HS3ST1: variants seen among roughly 807,000 people sequenced by gnomAD.
The protein encoded by HS3ST1 is heparan sulfate-glucosamine 3-sulfotransferase 1.
A neutral mutation model predicts 20.7 loss-of-function variants in HS3ST1; 8 were observed. The ratio of observed to expected loss-of-function variants is 0.39; its 90% CI spans 0.23 to 0.70. The LOEUF is 0.70. Among genes scored for constraint, HS3ST1 ranks in the 30% least tolerant of loss-of-function variants. The probability of loss-of-function intolerance (pLI) is 0.46; values close to 1 mark genes in which losing one functional copy is unlikely to be tolerated. For missense variants in HS3ST1, 436 were observed against 423.4 expected, an observed-to-expected ratio of 1.03 and a Z score of -0.26; for synonymous variants, 205 against 190.4, an observed-to-expected ratio of 1.08 and a Z score of -0.63.
chr4:11,409,483 A>G (rs1032247477), intron 1 of HS3ST1, among the ~76,000 whole-genome samples: 4 of 152,178 alleles, frequency 2.6e-5, no homozygotes, highest in Admixed American at 2.6e-4. Context: ...GAAGAGGAAG[A>G]TAAAACAGAG....
chr4:11,404,739 A>G (rs561652577), intron 1 of HS3ST1, among the ~76,000 whole-genome samples: 18 of 152,358 alleles, frequency 1.2e-4, no homozygotes, highest in African/African-American at 4.3e-4. Flanking sequence ...TGATGTGGGC[A>G]TGGATACAGA....
chr4:11,431,297 A>G (rs189011894), upstream of HS3ST1, among the ~76,000 whole-genome samples: 52 of 152,168 alleles, frequency 3.4e-4, no homozygotes, highest in East Asian at 9.9e-3. Flanking sequence ...TAAGTCAAAC[A>G]TGTTTCCCTT....
At position 11,394,328 on chromosome 4, in the gene HS3ST1, A is replaced by C. The variant is rs555386276; in HGVS notation, c.*4754T>G. ...TATCTAACTGAGAAATTTGGGCAAA[A>C]TAGAGTAAAGGTCTTGACATCAGGG... On this transcript the variant is annotated 3_prime_UTR_variant, in exon 2 of 2. Transcript: ENST00000002596. The C allele has an allele frequency of 1.3e-5, 2 of 152,306 alleles. No homozygotes were observed. The highest frequency in any genetic ancestry group is 3.9e-4 in the East Asian group (2 of 5,176). 9.4% of individuals were successfully genotyped at this position (152,306 alleles called of 1,614,324 possible). A position where few individuals can be genotyped will look rare whatever the true frequency, so the allele number is the denominator to read the frequency against.
chr4:11,426,932 C>T (rs1719075481), intron 1 of HS3ST1, among the ~76,000 whole-genome samples: 1 of 152,152 alleles, frequency 6.6e-6, no homozygotes, highest in Non-Finnish European at 1.5e-5. Flanking sequence ...GGATTTGCAG[C>T]GGAGCGCGCG....
At chr4:11,418,616 G>A (rs1198133298) in intron 1 of HS3ST1, among the ~76,000 whole-genome samples, 1 of 152,136 alleles carries the variant, frequency 6.6e-6, no homozygotes, top group Non-Finnish European at 1.5e-5. Context: ...CAGAATGACT[G>A]GTAACAATGT....
chr4:11,427,019 C>G lies in HS3ST1; in HGVS notation c.-109+1680G>C, dbSNP rs192077109. Reference sequence around the variant, plus strand: ...CCAATATTACCAGGAATGCAGAAAGCAAGAAAAAAATCCGAACGTCAAAGG... The same window carrying G: ...CCAATATTACCAGGAATGCAGAAAGGAAGAAAAAAATCCGAACGTCAAAGG... On this transcript the variant is annotated intron_variant, in intron 1 of 1. Coordinates refer to ENST00000002596, the MANE Select transcript of HS3ST1 (RefSeq NM_005114.4). Among the ~76,000 whole-genome samples, 378 of 151,926 alleles carry G rather than the reference C, an allele frequency of 2.5e-3. 3 individuals carry two copies. Among genetic ancestry groups the G allele is most frequent in the African/African-American group, 8.7e-3 (362 of 41,418 alleles).
chr4:11,419,847 T>C (rs1339316712), intron 1 of HS3ST1, among the ~76,000 whole-genome samples: 1 of 152,212 alleles, frequency 6.6e-6, no homozygotes, highest in Non-Finnish European at 1.5e-5. Context: ...AAAAAAATTC[T>C]GACCGTGAAC....
chr4:11,421,199 C>T lies in HS3ST1; in HGVS notation c.-109+7500G>A, dbSNP rs537852967. On this transcript the variant is annotated intron_variant, in intron 1 of 1. Coordinates refer to ENST00000002596, the MANE Select transcript of HS3ST1 (RefSeq NM_005114.4). ...TCCTCACTAGAGTATGGAAAAAAAC[C>T]GAGGCCCAGAAAAACCGTCTATTAC... 1.6e-3 allele frequency among the ~76,000 whole-genome samples: 251 copies of T among 152,214 alleles called. 1 individual carries two copies. The highest frequency in any genetic ancestry group is 2.7e-3 in the Non-Finnish European group (186 of 68,014).
intron 1 of HS3ST1, among the ~76,000 whole-genome samples, chr4:11,424,017 G>A (rs1263925058): frequency 1.4e-5 from 2 of 143,064 alleles, no homozygotes; most frequent in African/African-American, 5.2e-5. Context: ...ACATAAAACT[G>A]TGAATTGACA....
intron 1 of HS3ST1, among the ~76,000 whole-genome samples, chr4:11,424,349 C>T (rs1278368386): frequency 6.6e-6 from 1 of 152,208 alleles, no homozygotes; most frequent in African/African-American, 2.4e-5. Context: ...TGTAGTAGCA[C>T]ATAACTATTG....
rs775462827 is a variant in HS3ST1 at position 11,399,191 on chromosome 4, C to T, written c.815G>A (p.Arg272Gln). ...TTTGGGATCGACTTGGGGGTGCGCC[C>T]GGCCTTTGGACTCATGTAAGCAGCG... is the stretch of plus-strand genomic sequence containing the variant. ...RDRCLHESKG[R>Q]AHPQVDPKLL... The change falls in exon 2 of 2, where the codon CGG becomes CAG. Residue 272 changes from arginine to glutamine, a missense_variant. Transcript: ENST00000002596. This position sits in a 1 kb window ranked among gnomAD's most constrained non-coding sequence, Gnocchi z 5.1. 4.3e-6 allele frequency: 7 copies of T among 1,614,020 alleles called. No individual in the cohort carries two copies. Among genetic ancestry groups the T allele is most frequent in the Middle Eastern group, 1.6e-4 (1 of 6,084 alleles).
chr4:11,399,322 G>T lies in HS3ST1; in HGVS notation c.684C>A (p.Ile228=), dbSNP rs1258340909. 1.9e-6 allele frequency: 3 copies of T among 1,614,012 alleles called. No homozygotes were observed. Among genetic ancestry groups the T allele is most frequent in the Non-Finnish European group, 2.5e-6 (3 of 1,180,040 alleles). The change falls in exon 2 of 2, where the codon ATC becomes ATA. Residue 228 remains isoleucine (I), a synonymous_variant. Transcript: ENST00000002596. This position sits in a 1 kb window ranked among gnomAD's most constrained non-coding sequence, Gnocchi z 5.1. The part of the protein sequence containing the change: ...DRLIRDPFPE[I]QKVERFLKLS... ...GCTTTAGGAACCTCTCGACCTTTTG[G>T]ATCTCAGGGAAGGGGTCCCTGATGA... is the stretch of plus-strand genomic sequence containing the variant.
At chr4:11,421,409 G>C (rs1369455561) in intron 1 of HS3ST1, among the ~76,000 whole-genome samples, 1 of 152,174 alleles carries the variant, frequency 6.6e-6, no homozygotes, top group African/African-American at 2.4e-5. Flanking sequence ...TTCAAGTAAA[G>C]TGCAAGCCAG....
rs80035836 is a variant in HS3ST1 at position 11,406,228 on chromosome 4, T to G, written c.-108-6115A>C. On this transcript the variant is annotated intron_variant, in intron 1 of 1. Coordinates refer to ENST00000002596, the MANE Select transcript of HS3ST1 (RefSeq NM_005114.4). ...TACTTGCAACAATACAAGAGGTGGT[T>G]GTTCTCATTTTATTTTATATTTTTA... Among the ~76,000 whole-genome samples, 308 of 152,328 alleles carry G rather than the reference T, an allele frequency of 2.0e-3. 3 individuals carry two copies. Among genetic ancestry groups the G allele is most frequent in the African/African-American group, 6.9e-3 (288 of 41,576 alleles).
At chr4:11,423,049 A>AAAAAAAT (rs1560237599) in intron 1 of HS3ST1, among the ~76,000 whole-genome samples, 17 of 149,486 alleles carry the variant, frequency 1.1e-4, no homozygotes, top group Non-Finnish European at 1.6e-4. Context: ...AAAAAAAAAA[A>AAAAAAAT]GTGCTGAACG....
upstream of HS3ST1, among the ~76,000 whole-genome samples, chr4:11,430,626 C>A (rs1366458230): frequency 6.6e-6 from 1 of 152,148 alleles, no homozygotes; most frequent in African/African-American, 2.4e-5. Context: ...TTTCATTACC[C>A]ATTGTGAGAC....
chr4:11,393,251 G>T lies in HS3ST1; in HGVS notation c.*5831C>A, dbSNP rs1466335893. The T allele has an allele frequency of 6.6e-6, 1 of 152,216 alleles. No individual in the cohort carries two copies. The highest frequency in any genetic ancestry group is 6.5e-5 in the Admixed American group (1 of 15,282). The allele number at this position is 152,216 out of a possible 1,614,324, so 9.4% of individuals were successfully genotyped here. A position where few individuals can be genotyped will look rare whatever the true frequency, so the allele number is the denominator to read the frequency against. On this transcript the variant is annotated 3_prime_UTR_variant, in exon 2 of 2. Transcript: ENST00000002596. Reference sequence around the variant, plus strand: ...TTTGTTGGGCCCAGAATTGTTTTATGAAGTTGAAATTTAAGTTTGATATTG... The same window carrying T: ...TTTGTTGGGCCCAGAATTGTTTTATTAAGTTGAAATTTAAGTTTGATATTG...
intron 1 of HS3ST1, among the ~76,000 whole-genome samples, chr4:11,402,355 A>T (rs940421211): frequency 6.6e-6 from 1 of 152,348 alleles, no homozygotes; most frequent in African/African-American, 2.4e-5. Flanking sequence ...AAGAACGATG[A>T]GGTTTCAGGT....
chr4:11,404,044 T>A (rs541666236), intron 1 of HS3ST1, among the ~76,000 whole-genome samples: 1 of 152,290 alleles, frequency 6.6e-6, no homozygotes, highest in East Asian at 1.9e-4. Context: ...CTATAATCAC[T>A]ATATAATTTT....
Sources: allele counts gnomAD v4.1 joint callset (sites outside exome capture counted in the v4.1 genomes callset), GRCh38; gene constraint gnomAD v4.1.1; non-coding constraint Gnocchi (gnomAD v3.1); transcripts MANE v1.5; gene names NCBI Gene and HGNC (gene_info 2026-07-23, HGNC 2026-07-21).